Variants in ERO1A observed in about 807,000 individuals in gnomAD.
The protein encoded by ERO1A is ERO1-like protein alpha.
ERO1A carries 49 observed loss-of-function variants against 76.9 expected under a neutral mutation model. That is an observed-to-expected ratio of 0.64 (90% CI 0.51 to 0.81). ERO1A has a LOEUF of 0.81. Ranked by LOEUF, ERO1A falls within the 30% of genes least tolerant of loss-of-function variation. The pLI, the probability that ERO1A is intolerant of heterozygous loss-of-function variation, is 0.00. For synonymous variants in ERO1A, 174 were observed against 181.2 expected (o/e 0.96, Z 0.32); for missense variants, 448 against 542.1 (o/e 0.83, Z 1.72).
chr14:52,666,804 G>A (rs888966578), intron 6 of ERO1A, among the ~76,000 whole-genome samples: 7 of 152,132 alleles, frequency 4.6e-5, no homozygotes, highest in African/African-American at 9.7e-5. Flanking sequence ...GGTGGTGCAC[G>A]CCTGTAGTCC....
At chr14:52,661,521 G>T (rs1051821419) in intron 8 of ERO1A, among the ~76,000 whole-genome samples, 3 of 152,158 alleles carry the variant, frequency 2.0e-5, no homozygotes, top group Admixed American at 2.0e-4. Flanking sequence ...TTATCTCCAT[G>T]AGTGTACATA....
At position 52,695,408 on chromosome 14, in the gene ERO1A, T is replaced by A; in HGVS notation, c.74A>T (p.Glu25Val). The A allele has an allele frequency of 6.5e-7, 1 of 1,541,410 alleles. No homozygotes were observed. Among genetic ancestry groups the A allele is most frequent in the Non-Finnish European group, 8.7e-7 (1 of 1,142,924 alleles). Residue 25 changes from glutamate (E) to valine (V), a missense_variant, in exon 1 of 16, where the codon GAG becomes GTG. Physicochemically the swap from Glu to Val is moderately radical, Grantham distance 121. Around this residue, in one of 2 missense-constraint regions of ERO1A, gnomAD observed 146 missense variants for 130.2 expected, o/e 1.12. Transcript: ENST00000395686. Reference protein sequence around the residue: ...VWLLSSGHGEEQPPETAAQRC... With the variant: ...VWLLSSGHGEVQPPETAAQRC... ...CTGTGCCGCTGTCTCCGGGGGCTGC[T>A]CCTCTCCGTGGCCCGAGCTGAGCAG...
At chr14:52,650,179 T>C (rs1395090808) in intron 13 of ERO1A, among the ~76,000 whole-genome samples, 3 of 152,006 alleles carry the variant, frequency 2.0e-5, no homozygotes, top group Admixed American at 6.6e-5. Context: ...TGATTATGCC[T>C]CTGCACTTCA....
intron 4 of ERO1A, among the ~76,000 whole-genome samples, chr14:52,676,429 T>C (rs1055738088): frequency 1.3e-5 from 2 of 152,144 alleles, no homozygotes; most frequent in Non-Finnish European, 1.5e-5. Context: ...TTAGTAATAT[T>C]GTGGGTATGA....
chr14:52,650,661 G>A (rs1212512904), intron 13 of ERO1A, among the ~76,000 whole-genome samples: 1 of 152,136 alleles, frequency 6.6e-6, no homozygotes, highest in African/African-American at 2.4e-5. Context: ...TTACTTACCA[G>A]TGGAACTTTG....
Position 52,683,934 on chromosome 14 carries a change from A to G in ERO1A, c.115-27T>C, listed in dbSNP as rs1208864732. ...TGTTACAAAGAAAATGAAATATTAA[A>G]TTGAAATGTCCTAAATGCAACAGGG... On this transcript the variant is annotated intron_variant, in intron 1 of 15. Coordinates refer to ENST00000395686, the MANE Select transcript of ERO1A (RefSeq NM_014584.3). The G allele has an allele frequency of 2.6e-6, 4 of 1,550,768 alleles. No individual in the cohort carries two copies. The South Asian group carries it at 5.0e-5, about 19-fold the overall frequency.
At chr14:52,669,537 T>C (rs1463229927) in intron 6 of ERO1A, among the ~76,000 whole-genome samples, 2 of 152,186 alleles carry the variant, frequency 1.3e-5, no homozygotes, top group African/African-American at 4.8e-5. Context: ...GGACCATGCG[T>C]GTCTCGGCTG....
chr14:52,647,142 A>ATTTTTTTTTTTTT (rs58456682), intron 13 of ERO1A: 9 of 62,204 alleles, frequency 1.4e-4, no homozygotes, highest in African/African-American at 5.7e-4. Context: ...CGCCCAGCTA[A>ATTTTTTTTTTTTT]TTTTTTTTTT....
chr14:52,648,907 G>A (rs939486975), intron 13 of ERO1A, among the ~76,000 whole-genome samples: 9 of 152,094 alleles, frequency 5.9e-5, no homozygotes, highest in African/African-American at 2.2e-4. Flanking sequence ...TTCTGCTTAA[G>A]TGAACTTAAT....
At chr14:52,671,766 T>C (rs1386391991) in intron 5 of ERO1A, 29 bp downstream of exon 5, 2 of 1,590,804 alleles carry the variant, frequency 1.3e-6, no homozygotes, top group African/African-American at 1.3e-5. Flanking sequence ...TAAAGAAACA[T>C]GAAATACTGC....
chr14:52,693,002 C>CTTTTTTT (rs559143853), intron 1 of ERO1A, among the ~76,000 whole-genome samples: 1,649 of 85,904 alleles, frequency 0.019, 3 homozygotes, highest in East Asian at 0.027. Flanking sequence ...AAATAGACAA[C>CTTTTTTT]TTTTTTTTTT....
intron 1 of ERO1A, among the ~76,000 whole-genome samples, chr14:52,687,925 C>T (rs865808350): frequency 2.6e-5 from 4 of 152,114 alleles, no homozygotes; most frequent in Admixed American, 6.5e-5. Context: ...GTGGCTCACA[C>T]GTGTAATTCC....
At chr14:52,659,796 T>G (rs950691184) in intron 9 of ERO1A, among the ~76,000 whole-genome samples, 1 of 150,412 alleles carries the variant, frequency 6.6e-6, no homozygotes, top group Non-Finnish European at 1.5e-5. Flanking sequence ...TTCAGTTCAG[T>G]GTTTGTGTGT....
At position 52,693,134 on chromosome 14, in the gene ERO1A, A is replaced by G. The variant is rs141351041; in HGVS notation, c.114+2234T>C. ...ATCCTCAATTTACTTTTTTATTATT[A>G]TTATTATTTTGAGGCAGACTCTCAC... On this transcript the variant is annotated intron_variant, in intron 1 of 15. Coordinates refer to ENST00000395686, the MANE Select transcript of ERO1A (RefSeq NM_014584.3). Among the ~76,000 whole-genome samples, 1,174 of 145,220 alleles carry G rather than the reference A, an allele frequency of 8.1e-3. 12 individuals are homozygous for G. Among genetic ancestry groups the G allele is most frequent in the African/African-American group, 0.028 (1,117 of 39,314 alleles).
rs1377761852 is a variant in ERO1A at position 52,641,776 on chromosome 14, C to G, written c.*1794G>C. 1 of 152,156 alleles carries G rather than the reference C, an allele frequency of 6.6e-6. No individual in the cohort carries two copies. The highest frequency in any genetic ancestry group is 1.9e-4 in the East Asian group (1 of 5,206). 9.4% of individuals were successfully genotyped at this position (152,156 alleles called of 1,614,324 possible). The stretch of plus-strand genomic sequence containing the variant: ...ATTGACTTAATTAATGGTTTAATGT[C>G]TTTCCTTTCCTGCCTTAGAGAAAAA... On this transcript the variant is annotated 3_prime_UTR_variant, in exon 16 of 16. Coordinates refer to ENST00000395686, the MANE Select transcript of ERO1A (RefSeq NM_014584.3).
chr14:52,670,838 A>C (rs568897210), intron 6 of ERO1A, among the ~76,000 whole-genome samples: 1 of 152,250 alleles, frequency 6.6e-6, no homozygotes, highest in East Asian at 1.9e-4. Flanking sequence ...AGTTTTTTTA[A>C]CTGTAATAAA....
At chr14:52,684,218 C>A (rs1027961711) in intron 1 of ERO1A, among the ~76,000 whole-genome samples, 25 of 151,652 alleles carry the variant, frequency 1.6e-4, no homozygotes, top group Non-Finnish European at 3.1e-4. Flanking sequence ...TTGACCTGAC[C>A]AAGGGTAGGC....
intron 1 of ERO1A, among the ~76,000 whole-genome samples, chr14:52,690,131 T>C (rs1049229114): frequency 6.6e-6 from 1 of 152,034 alleles, no homozygotes; most frequent in Non-Finnish European, 1.5e-5. Context: ...TAAAAGCTGA[T>C]TAAAGACTTA....
rs990909124 is a variant in ERO1A, at chr14:52,677,334, C to T, written c.357+1100G>A. Among the ~76,000 whole-genome samples the T allele has an allele frequency of 2.6e-5, 4 of 151,972 alleles. No individual in the cohort carries two copies. In the South Asian group the frequency reaches 8.3e-4, roughly 31 times the overall value. ...TTGGTATAACACAATAGTAAGTACA[C>T]AGTAACTCCTATATATATAATATAT... On this transcript the variant is annotated intron_variant, in intron 4 of 15. Transcript: ENST00000395686.
Sources: allele counts gnomAD v4.1 joint callset (sites outside exome capture counted in the v4.1 genomes callset), GRCh38; gene constraint gnomAD v4.1.1; regional missense constraint gnomAD v4.1.1; transcripts MANE v1.5; gene names NCBI Gene and HGNC (gene_info 2026-07-23, HGNC 2026-07-21).